TRAF2: variants seen among roughly 807,000 people sequenced by gnomAD.
The protein encoded by TRAF2 is TNF receptor-associated factor 2.
Under a neutral mutation model 55.6 loss-of-function variants are expected in TRAF2, and 6 were observed. The ratio of observed to expected loss-of-function variants is 0.11; its 90% CI spans 0.06 to 0.21. TRAF2 has a LOEUF of 0.21. Ranked by LOEUF, TRAF2 falls within the 10% of genes least tolerant of loss-of-function variation. The probability of loss-of-function intolerance (pLI) is 1.00; values close to 1 mark genes in which losing one functional copy is unlikely to be tolerated. For missense variants in TRAF2, 561 were observed against 684.5 expected, an observed-to-expected ratio of 0.82 and a Z score of 2.01; for synonymous variants, 329 against 276.3, an observed-to-expected ratio of 1.19 and a Z score of -1.89.
At position 136,925,808 on chromosome 9, in the gene TRAF2, C is replaced by A. The variant is rs1850516614; in HGVS notation, c.1413C>A (p.Leu471=). 1 of 1,614,272 alleles carries A rather than the reference C, an allele frequency of 6.2e-7. No individual in the cohort carries two copies. Among genetic ancestry groups the A allele is most frequent in the Non-Finnish European group, 8.5e-7 (1 of 1,180,052 alleles). ...NDMNIASGCP[L]FCPVSKMEAK... Reference sequence around the variant, plus strand: ...TGAACATCGCAAGCGGCTGCCCCCTCTTCTGCCCCGTCTCCAAGATGGAGG... The same window carrying A: ...TGAACATCGCAAGCGGCTGCCCCCTATTCTGCCCCGTCTCCAAGATGGAGG... Residue 471 remains leucine (L), a synonymous_variant, in exon 11 of 11, where the codon CTC becomes CTA. Coordinates refer to ENST00000247668, the MANE Select transcript of TRAF2 (RefSeq NM_021138.4).
At chr9:136,904,395 CTT>C (rs1219776049) in intron 4 of TRAF2, among the ~76,000 whole-genome samples, 1 of 151,700 alleles carries the variant, frequency 6.6e-6, no homozygotes, top group South Asian at 2.1e-4. Context: ...AAAGAACAGT[CTT>C]TTTTATTTTT....
At chr9:136,898,019 C>T (rs993374303) in intron 1 of TRAF2, among the ~76,000 whole-genome samples, 2 of 130,858 alleles carry the variant, frequency 1.5e-5, no homozygotes, top group African/African-American at 3.0e-5. Context: ...AGATGTGCTA[C>T]GTTCCCGCTC....
chr9:136,900,679 A>G (rs1849800125), intron 4 of TRAF2, 159 bp downstream of exon 4: 6 of 711,374 alleles, frequency 8.4e-6, no homozygotes, highest in Non-Finnish European at 1.3e-5. Context: ...TCCTTAGAGT[A>G]TGTCCATTTA....
intron 1 of TRAF2, among the ~76,000 whole-genome samples, chr9:136,893,619 G>C: frequency 6.6e-6 from 1 of 152,362 alleles, no homozygotes; most frequent in East Asian, 1.9e-4. Flanking sequence ...ATGTGCTTTC[G>C]TTGGTGAGCC....
chr9:136,895,602 C>G (rs1849663203), intron 1 of TRAF2, among the ~76,000 whole-genome samples: 1 of 152,158 alleles, frequency 6.6e-6, no homozygotes, highest in Admixed American at 6.5e-5. Context: ...TACCTGGAAT[C>G]CCAGCACATT....
chr9:136,926,266 A>C lies in TRAF2; in HGVS notation c.*365A>C. ...CACATCCCAGCAGTGCCCATGTAGCAGGAGCACAGTGGATGGCCTTGTGTC... is the reference window on the plus strand; with the variant it reads ...CACATCCCAGCAGTGCCCATGTAGCCGGAGCACAGTGGATGGCCTTGTGTC... On this transcript the variant is annotated 3_prime_UTR_variant, in exon 11 of 11. Coordinates refer to ENST00000247668, the MANE Select transcript of TRAF2 (RefSeq NM_021138.4). The C allele has an allele frequency of 2.6e-6, 1 of 391,658 alleles. No individual in the cohort carries two copies. 24.3% of individuals were successfully genotyped at this position (391,658 alleles called of 1,614,324 possible). A position where few individuals can be genotyped will look rare whatever the true frequency, so the allele number is the denominator to read the frequency against.
At chr9:136,900,665 C>A in intron 4 of TRAF2, 145 bp downstream of exon 4, 1 of 737,508 alleles carries the variant, frequency 1.4e-6, no homozygotes, top group Non-Finnish European at 2.5e-6. Flanking sequence ...AGAGACGGAG[C>A]TGCTCCTTAG....
intron 10 of TRAF2, among the ~76,000 whole-genome samples, chr9:136,924,980 G>A (rs529964374): frequency 4.9e-4 from 75 of 152,278 alleles, no homozygotes; most frequent in African/African-American, 1.4e-3. Flanking sequence ...CTTGTGATCC[G>A]CCCACCTTGG....
Position 136,925,743 on chromosome 9 carries a change from G to A in TRAF2, c.1348G>A (p.Asp450Asn), listed in dbSNP as rs532487327. 3.8e-5 allele frequency: 62 copies of A among 1,614,248 alleles called. No homozygotes were observed. The highest frequency in any genetic ancestry group is 1.5e-4 in the Admixed American group (9 of 60,036). Reference sequence around the variant, plus strand: ...GCACGTGATTGACGCCTTCAGGCCCGACGTGACTTCATCCTCTTTTCAGAG... The same window carrying A: ...GCACGTGATTGACGCCTTCAGGCCCAACGTGACTTCATCCTCTTTTCAGAG... Reference protein sequence around the residue: ...REHVIDAFRPDVTSSSFQRPV... With the variant: ...REHVIDAFRPNVTSSSFQRPV... Residue 450 changes from aspartate (D) to asparagine (N), a missense_variant, in exon 11 of 11, where the codon GAC becomes AAC. Physicochemically the swap from Asp to Asn is conservative, Grantham distance 23. Coordinates refer to ENST00000247668, the MANE Select transcript of TRAF2 (RefSeq NM_021138.4).
At chr9:136,918,252 TATATATTTATTTAATTA>T in intron 7 of TRAF2, among the ~76,000 whole-genome samples, 1 of 47,772 alleles carries the variant, frequency 2.1e-5, no homozygotes, top group Middle Eastern at 7.7e-3. Context: ...TATATATATA[TATATATTTATTTAATTA>T]ATTAATTTAT....
At chr9:136,891,378 G>A (rs890878912) in intron 1 of TRAF2, among the ~76,000 whole-genome samples, 8 of 152,102 alleles carry the variant, frequency 5.3e-5, no homozygotes, top group Admixed American at 2.6e-4. Context: ...AAAGTGCTGG[G>A]ATTACAAGTG....
chr9:136,913,147 A>T (rs1850158933), intron 6 of TRAF2, among the ~76,000 whole-genome samples: 1 of 152,162 alleles, frequency 6.6e-6, no homozygotes, highest in Non-Finnish European at 1.5e-5. Flanking sequence ...CATCTCAAAA[A>T]AAAACAATAA....
intron 1 of TRAF2, among the ~76,000 whole-genome samples, chr9:136,892,697 T>C (rs1390906528): frequency 6.6e-6 from 1 of 151,916 alleles, no homozygotes; most frequent in Non-Finnish European, 1.5e-5. Context: ...CTGGCCAACA[T>C]GGTGAAACCC....
intron 4 of TRAF2, among the ~76,000 whole-genome samples, chr9:136,906,672 T>G: frequency 6.6e-6 from 1 of 152,158 alleles, no homozygotes; most frequent in Non-Finnish European, 1.5e-5. Flanking sequence ...AAAGCCCTGT[T>G]TAGTTTTATT....
At chr9:136,897,877 C>T (rs1196336360) in intron 1 of TRAF2, among the ~76,000 whole-genome samples, 2 of 139,874 alleles carry the variant, frequency 1.4e-5, no homozygotes, top group African/African-American at 2.7e-5. Flanking sequence ...GCTACGTTCC[C>T]GCTCTCGGGG....
At chr9:136,895,776 G>C (rs938960677) in intron 1 of TRAF2, among the ~76,000 whole-genome samples, 1 of 150,706 alleles carries the variant, frequency 6.6e-6, no homozygotes, top group Non-Finnish European at 1.5e-5. Context: ...TTGAACCCAG[G>C]AGGTGGAGGT....
Position 136,920,348 on chromosome 9 carries a change from G to A in TRAF2, c.793G>A (p.Gly265Arg), listed in dbSNP as rs369008686. ...CCTCTTGGGAGACCAGAGCCACGCG[G>A]GGTCAGAGCTCCTGCAGAGGTGCGA... ...KPLLGDQSHA[G>R]SELLQRCESL... Residue 265 changes from glycine to arginine, a missense_variant, in exon 8 of 11, where the codon GGG (glycine) becomes AGG (arginine). This residue lies in a region of TRAF2 where 426 missense variants were observed against 476.8 expected (regional missense o/e 0.89). Transcript: ENST00000247668. 5 of 1,613,996 alleles carry A rather than the reference G, an allele frequency of 3.1e-6. No individual in the cohort carries two copies. In the African/African-American group the frequency reaches 6.7e-5, roughly 22 times the overall value.
chr9:136,885,096 G>A (rs1192636015), upstream of TRAF2, among the ~76,000 whole-genome samples: 1 of 152,228 alleles, frequency 6.6e-6, no homozygotes, highest in Non-Finnish European at 1.5e-5. Flanking sequence ...AGGCCTTGCT[G>A]TCCCAGGAAT....
intron 4 of TRAF2, among the ~76,000 whole-genome samples, chr9:136,906,642 C>CA (rs971617819): frequency 3.3e-5 from 5 of 152,154 alleles, no homozygotes; most frequent in African/African-American, 1.2e-4. Context: ...GACCCTGTCT[C>CA]AAAAAACAAA....
Sources: allele counts gnomAD v4.1 joint callset (sites outside exome capture counted in the v4.1 genomes callset), GRCh38; gene constraint gnomAD v4.1.1; regional missense constraint gnomAD v4.1.1; transcripts MANE v1.5; gene names NCBI Gene and HGNC (gene_info 2026-07-23, HGNC 2026-07-21).